TYW3: variants seen among roughly 807,000 people sequenced by gnomAD.
TYW3 encodes tRNA-yW synthesizing protein 3 homolog, also known as tRNA wybutosine-synthesizing protein 3 homolog.
TYW3 carries 26 observed loss-of-function variants against 23.1 expected under a neutral mutation model. That is an observed-to-expected ratio of 1.13 (90% CI 0.83 to 1.56). The LOEUF (loss-of-function observed/expected upper bound fraction) is 1.56. Among genes scored for constraint, TYW3 ranks in the 40% most tolerant of loss-of-function variants. TYW3 has a pLI of 0.00. For synonymous variants in TYW3, 102 were observed against 105.7 expected (o/e 0.97, Z 0.21); for missense variants, 316 against 311.9 (o/e 1.01, Z -0.10).
chr1:74,755,845 A>T (rs1360297472), intron 5 of TYW3, among the ~76,000 whole-genome samples: 1 of 152,196 alleles, frequency 6.6e-6, no homozygotes, highest in Non-Finnish European at 1.5e-5. Context: ...AGATAGTGAT[A>T]TGGTTTGGCT....
intron 3 of TYW3, among the ~76,000 whole-genome samples, 194 bp downstream of exon 3, chr1:74,738,982 A>G (rs1237099582): frequency 6.6e-6 from 1 of 152,208 alleles, no homozygotes; most frequent in Non-Finnish European, 1.5e-5. Context: ...CTAGGAAAAT[A>G]TAAGTCCCAG....
rs59662969 is a variant in TYW3 at position 74,740,190 on chromosome 1, G to A, written c.354+1402G>A. On this transcript the variant is annotated intron_variant, in intron 3 of 5. Coordinates refer to ENST00000370867, the MANE Select transcript of TYW3 (RefSeq NM_138467.3). Reference sequence around the variant, plus strand: ...ATGTGTCCGGAGTTTCTTCCTTCCAGTGGGTTCGTGGTCTTGCTGACTTCA... The same window carrying A: ...ATGTGTCCGGAGTTTCTTCCTTCCAATGGGTTCGTGGTCTTGCTGACTTCA... 7.2e-3 allele frequency among the ~76,000 whole-genome samples: 1,103 copies of A among 152,342 alleles called. 12 individuals are homozygous for A. Among genetic ancestry groups the A allele is most frequent in the African/African-American group, 0.025 (1,049 of 41,572 alleles).
At chr1:74,757,337 G>A (rs1648989151) in intron 5 of TYW3, among the ~76,000 whole-genome samples, 2 of 152,184 alleles carry the variant, frequency 1.3e-5, no homozygotes, top group Admixed American at 1.3e-4. Context: ...AAGGGAAGCT[G>A]TATCCTGCAA....
chr1:74,759,040 G>T (rs76724296), intron 5 of TYW3, among the ~76,000 whole-genome samples: 4,549 of 152,248 alleles, frequency 0.03, 232 homozygotes, highest in African/African-American at 0.1. Context: ...GAGAATAGTG[G>T]TTAATAAATG....
rs1161518497 is a variant in TYW3, at chr1:74,752,424, A to G, written c.559A>G (p.Arg187Gly). The G allele has an allele frequency of 6.2e-7, 1 of 1,612,984 alleles. No homozygotes were observed. The highest frequency in any genetic ancestry group is 1.7e-5 in the Admixed American group (1 of 59,962). ...KMEENKKRIE[R>G]FYNCLQHALE... The stretch of plus-strand genomic sequence containing the variant: ...GGAGGAAAACAAGAAAAGAATTGAG[A>G]GGTATATTAATTGGGTATTTCCATG... Residue 187 changes from arginine (R) to glycine (G), a missense_variant and splice_region_variant, in exon 5 of 6, where the codon AGG becomes GGG. By Grantham distance (125) the Arg-to-Gly change is moderately radical. Coordinates refer to ENST00000370867, the MANE Select transcript of TYW3 (RefSeq NM_138467.3).
chr1:74,734,627 G>C (rs1018083063), intron 1 of TYW3, among the ~76,000 whole-genome samples: 5 of 152,136 alleles, frequency 3.3e-5, no homozygotes, highest in Admixed American at 3.3e-4. Flanking sequence ...CATCCACTAG[G>C]GGGTCTTGGG....
intron 5 of TYW3, among the ~76,000 whole-genome samples, chr1:74,756,488 C>G (rs1174719088): frequency 6.6e-6 from 1 of 152,104 alleles, no homozygotes; most frequent in Non-Finnish European, 1.5e-5. Context: ...AGCATTTTAC[C>G]CCTGCCCTCG....
chr1:74,747,900 C>G (rs138687657), intron 3 of TYW3, among the ~76,000 whole-genome samples: 364 of 150,080 alleles, frequency 2.4e-3, no homozygotes, highest in African/African-American at 8.5e-3. Flanking sequence ...CATATACACA[C>G]ATATATACAC....
chr1:74,744,984 G>T (rs1648505362), intron 3 of TYW3, among the ~76,000 whole-genome samples: 1 of 152,036 alleles, frequency 6.6e-6, no homozygotes, highest in African/African-American at 2.4e-5. Context: ...GAGTGTTACA[G>T]CTCTTAAAGG....
rs1649283517 is a variant in TYW3, at chr1:74,765,677, G to A, written c.*1564G>A. On this transcript the variant is annotated 3_prime_UTR_variant, in exon 6 of 6. Coordinates refer to ENST00000370867, the MANE Select transcript of TYW3 (RefSeq NM_138467.3). ...TAAATAACAGTAGGAAAGAGAGAGT[G>A]CAGGTGGAACGAGCCTATCCTGTGG... The A allele has an allele frequency of 2.0e-5, 3 of 152,046 alleles. No homozygotes were observed. The highest frequency in any genetic ancestry group is 2.0e-4 in the Admixed American group (3 of 15,240). The allele number at this position is 152,046 out of a possible 1,614,324, so 9.4% of individuals were successfully genotyped here. A position where few individuals can be genotyped will look rare whatever the true frequency, so the allele number is the denominator to read the frequency against.
At chr1:74,758,677 A>G (rs1403749881) in intron 5 of TYW3, among the ~76,000 whole-genome samples, 4 of 147,936 alleles carry the variant, frequency 2.7e-5, no homozygotes, top group Non-Finnish European at 5.9e-5. Flanking sequence ...TCTTATCGTC[A>G]TTTACCAGCC....
intron 5 of TYW3, among the ~76,000 whole-genome samples, chr1:74,755,824 A>G (rs888378329): frequency 7.2e-5 from 11 of 152,226 alleles, no homozygotes; most frequent in African/African-American, 2.2e-4. Context: ...GAGCATGAAC[A>G]AAGGAAAAAG....
intron 1 of TYW3, 61 bp downstream of exon 1, chr1:74,733,479 T>C: frequency 6.3e-7 from 1 of 1,588,604 alleles, no homozygotes; most frequent in Non-Finnish European, 8.6e-7. Context: ...AGGAGCCCTG[T>C]TCCCATCCAG....
At chr1:74,738,926 A>T in intron 3 of TYW3, 138 bp downstream of exon 3, 1 of 459,534 alleles carries the variant, frequency 2.2e-6, no homozygotes, top group Non-Finnish European at 3.6e-6. Flanking sequence ...TGGTCTGCTC[A>T]ATCTATTAAT....
intron 3 of TYW3, among the ~76,000 whole-genome samples, chr1:74,746,773 G>T (rs1244640637): frequency 6.6e-6 from 1 of 152,146 alleles, no homozygotes; most frequent in South Asian, 2.1e-4. Flanking sequence ...GCCTTTATTC[G>T]AAGGTTGCAG....
intron 5 of TYW3, among the ~76,000 whole-genome samples, chr1:74,763,152 C>T (rs954927139): frequency 7.9e-5 from 12 of 151,720 alleles, no homozygotes; most frequent in Non-Finnish European, 1.2e-4. Flanking sequence ...CTATTAGAAG[C>T]GTATTTCTTT....
intron 3 of TYW3, among the ~76,000 whole-genome samples, chr1:74,744,605 G>A (rs1253014991): frequency 6.6e-6 from 1 of 152,126 alleles, no homozygotes; most frequent in African/African-American, 2.4e-5. Context: ...TCCCATCTGG[G>A]TCGCCAAAAT....
intron 3 of TYW3, among the ~76,000 whole-genome samples, chr1:74,747,819 G>GTA (rs79579729): frequency 0.39 from 59,055 of 150,456 alleles, 14,183 homozygotes; most frequent in Non-Finnish European, 0.55. Flanking sequence ...ACACACATAT[G>GTA]TATATATATG....
At chr1:74,737,722 CA>C (rs1312767342) in intron 2 of TYW3, among the ~76,000 whole-genome samples, 1 of 152,150 alleles carries the variant, frequency 6.6e-6, no homozygotes, top group Non-Finnish European at 1.5e-5. Flanking sequence ...AACATGGGTG[CA>C]GCCAAGGTTA....
Sources: allele counts gnomAD v4.1 joint callset (sites outside exome capture counted in the v4.1 genomes callset), GRCh38; gene constraint gnomAD v4.1.1; transcripts MANE v1.5; gene names NCBI Gene and HGNC (gene_info 2026-07-23, HGNC 2026-07-21).